Variants in MGAT4C observed in about 807,000 individuals in gnomAD.
MGAT4C encodes MGAT4 family member C.
Under a neutral mutation model 40.1 loss-of-function variants are expected in MGAT4C, and 19 were observed. The observed-to-expected ratio is 0.47, with a 90% confidence interval of 0.33 to 0.70. The LOEUF (loss-of-function observed/expected upper bound fraction) is 0.70, where lower values mean the gene tolerates loss of function less well. Ranked by LOEUF, MGAT4C falls within the 30% of genes least tolerant of loss-of-function variation. MGAT4C has a pLI of 0.02. For synonymous variants in MGAT4C, 181 were observed against 187.1 expected (o/e 0.97, Z 0.27); for missense variants, 491 against 563.2 (o/e 0.87, Z 1.30).
At chr12:86,264,863 CCA>C (rs1189520957) in intron 4 of MGAT4C, among the ~76,000 whole-genome samples, 1 of 152,192 alleles carries the variant, frequency 6.6e-6, no homozygotes, top group Non-Finnish European at 1.5e-5. Context: ...TCGGCTGTGC[CCA>C]CTCTTGGGGC....
At chr12:86,345,851 C>T (rs1285412282) in intron 3 of MGAT4C, among the ~76,000 whole-genome samples, 1 of 152,178 alleles carries the variant, frequency 6.6e-6, no homozygotes, top group African/African-American at 2.4e-5. Context: ...AATGGTTGAA[C>T]TAGTTTAAAG....
chr12:86,010,554 C>T (rs1029955813), intron 2 of MGAT4C, among the ~76,000 whole-genome samples: 4 of 152,030 alleles, frequency 2.6e-5, no homozygotes, highest in Admixed American at 6.6e-5. Context: ...GGTGCACACC[C>T]GTAATCTCAG....
At chr12:86,340,100 C>A (rs984541717) in intron 3 of MGAT4C, among the ~76,000 whole-genome samples, 25 of 152,144 alleles carry the variant, frequency 1.6e-4, no homozygotes, top group African/African-American at 5.1e-4. Context: ...ATATAAGTTA[C>A]AATCTCCAGA....
In MGAT4C at chr12:86,786,345, G is replaced by T. The variant is rs941116982; in HGVS notation, c.-262+52321C>A. Among the ~76,000 whole-genome samples the T allele has an allele frequency of 1.7e-4, 26 of 152,114 alleles. No homozygotes were observed. In the East Asian group the frequency reaches 4.3e-3, roughly 25 times the overall value. On this transcript the variant is annotated intron_variant, in intron 1 of 7. Coordinates refer to the MGAT4C transcript ENST00000548651. The stretch of plus-strand genomic sequence containing the variant: ...TTCTAACAAATGGTTGAATCTGTAG[G>T]TTTCTAACAAAAGAAATAGTAGAAA...
At chr12:86,365,510 T>C (rs1185999021) in intron 3 of MGAT4C, among the ~76,000 whole-genome samples, 1 of 152,176 alleles carries the variant, frequency 6.6e-6, no homozygotes, top group Admixed American at 6.5e-5. Flanking sequence ...CCATGAAATC[T>C]TCACATTTTA....
chr12:86,323,035 T>C (rs1954434399), intron 4 of MGAT4C, among the ~76,000 whole-genome samples: 1 of 151,938 alleles, frequency 6.6e-6, no homozygotes, highest in African/African-American at 2.4e-5. Context: ...TAAAATCCTA[T>C]TGTAAAACTC....
intron 2 of MGAT4C, among the ~76,000 whole-genome samples, chr12:86,041,587 A>T (rs753987849): frequency 9.9e-5 from 15 of 152,142 alleles, no homozygotes; most frequent in Non-Finnish European, 1.9e-4. Flanking sequence ...CCCACAAGTC[A>T]TTCAGGATTA....
intron 3 of MGAT4C, among the ~76,000 whole-genome samples, chr12:86,410,901 C>A (rs1414226850): frequency 1.3e-5 from 2 of 152,174 alleles, no homozygotes; most frequent in South Asian, 2.1e-4. Flanking sequence ...TGACTTCCCA[C>A]AACACCTGGT....
intron 3 of MGAT4C, among the ~76,000 whole-genome samples, chr12:86,334,571 C>G (rs1040846520): frequency 1.1e-4 from 17 of 151,998 alleles, no homozygotes; most frequent in Admixed American, 5.9e-4. Flanking sequence ...GAAATAAAAG[C>G]AAAATGTTTT....
Position 86,217,257 on chromosome 12 carries a change from T to G in MGAT4C, c.-57+38982A>C, listed in dbSNP as rs780247102. Among the ~76,000 whole-genome samples, 180 of 152,230 alleles carry G rather than the reference T, an allele frequency of 1.2e-3. 1 individual carries two copies. In the Middle Eastern group the frequency reaches 0.027, roughly 23 times the overall value. ...TGGCACAATCTCAGCTCACTGCAAC[T>G]TCAGCCTCCCAGGCTCAAGCGAGTC... On this transcript the variant is annotated intron_variant, in intron 1 of 4. Coordinates refer to ENST00000611864, the MANE Select transcript of MGAT4C (RefSeq NM_001351288.2).
rs71078910 is a variant in MGAT4C at position 86,566,531 on chromosome 12, CATAT to C, written c.-228-131270_-228-131267del. Among the ~76,000 whole-genome samples, 56 of 39,846 alleles carry C rather than the reference CATAT, an allele frequency of 1.4e-3. 1 individual carries two copies. The highest frequency in any genetic ancestry group is 4.7e-3 in the South Asian group (3 of 636). The allele number at this position is 39,846 out of a possible 152,430, so 26.1% of individuals were successfully genotyped here. On this transcript the variant is annotated intron_variant, in intron 2 of 7. Coordinates refer to the MGAT4C transcript ENST00000548651. ...AGTTAATACTTAGTAAACTCATATA[CATAT>C]ATATATATATATATATATATATATA...
chr12:86,766,519 T>G (rs1951511199), intron 1 of MGAT4C, among the ~76,000 whole-genome samples: 1 of 152,040 alleles, frequency 6.6e-6, no homozygotes, highest in Non-Finnish European at 1.5e-5. Context: ...CAAGCAGACC[T>G]AATAGACATC....
intron 4 of MGAT4C, among the ~76,000 whole-genome samples, chr12:86,320,807 T>G (rs1954366544): frequency 6.6e-6 from 1 of 152,136 alleles, no homozygotes; most frequent in Non-Finnish European, 1.5e-5. Context: ...TAGCCTTGAG[T>G]GGTGACAAAA....
chr12:86,142,985 A>G (rs183477829), intron 1 of MGAT4C, among the ~76,000 whole-genome samples: 15 of 152,260 alleles, frequency 9.9e-5, no homozygotes, highest in Admixed American at 9.8e-4. Context: ...ATTGTCTTCA[A>G]AATCCCACAA....
Position 85,959,791 on chromosome 12 carries a change from T to C in MGAT4C, c.*19498A>G, listed in dbSNP as rs2136640220. 1 of 151,992 alleles carries C rather than the reference T, an allele frequency of 6.6e-6. No homozygotes were observed. The highest frequency in any genetic ancestry group is 2.4e-5 in the African/African-American group (1 of 41,528). The allele number at this position is 151,992 out of a possible 1,614,324, so 9.4% of individuals were successfully genotyped here. A position where few individuals can be genotyped will look rare whatever the true frequency, so the allele number is the denominator to read the frequency against. On this transcript the variant is annotated 3_prime_UTR_variant, in exon 5 of 5. Transcript: ENST00000611864. ...TGGGTTAACTCTTTTTTATGTTAAC[T>C]GAATCAATTTTGGCTTTGTTTCTTT...
rs1332607181 is a variant in MGAT4C, at chr12:85,975,119, A to G, written c.*4170T>C. ...TGAGAGCACTAGGGGCAATTTTGAT[A>G]TTTTTGATAAGGTTTCTAGAGTAAT... On this transcript the variant is annotated 3_prime_UTR_variant, in exon 5 of 5. Coordinates refer to ENST00000611864, the MANE Select transcript of MGAT4C (RefSeq NM_001351288.2). 1 of 150,902 alleles carries G rather than the reference A, an allele frequency of 6.6e-6. No homozygotes were observed. The highest frequency in any genetic ancestry group is 1.9e-4 in the East Asian group (1 of 5,182). The allele number at this position is 150,902 out of a possible 1,614,324, so 9.3% of individuals were successfully genotyped here.
intron 4 of MGAT4C, among the ~76,000 whole-genome samples, chr12:86,261,517 G>A (rs1159687826): frequency 1.3e-5 from 2 of 152,028 alleles, no homozygotes; most frequent in Admixed American, 1.3e-4. Flanking sequence ...ACATCAGCAA[G>A]CTATTAGAAG....
At chr12:86,587,603 G>C (rs1260771601) in intron 2 of MGAT4C, among the ~76,000 whole-genome samples, 1 of 151,866 alleles carries the variant, frequency 6.6e-6, no homozygotes, top group Non-Finnish European at 1.5e-5. Context: ...TCTTCCATTT[G>C]TTTGTCCTCT....
intron 3 of MGAT4C, among the ~76,000 whole-genome samples, chr12:86,430,321 T>C (rs547828380): frequency 1.4e-4 from 22 of 152,328 alleles, no homozygotes; most frequent in Admixed American, 1.3e-3. Flanking sequence ...CATGATTCCT[T>C]GATTCTTCAT....
Sources: allele counts gnomAD v4.1 joint callset (sites outside exome capture counted in the v4.1 genomes callset), GRCh38; gene constraint gnomAD v4.1.1; transcripts MANE v1.5; gene names NCBI Gene and HGNC (gene_info 2026-07-23, HGNC 2026-07-21).